The following NTRK3 variants were observed in gnomAD, a reference collection of about 807,000 sequenced individuals.
The protein encoded by NTRK3 is neurotrophic receptor tyrosine kinase 3.
NTRK3 carries 24 observed loss-of-function variants against 91.7 expected under a neutral mutation model. The observed-to-expected ratio is 0.26, with a 90% CI of 0.19 to 0.37. The LOEUF (loss-of-function observed/expected upper bound fraction) is 0.37, where lower values mean the gene tolerates loss of function less well. NTRK3 is among the 10% of genes least tolerant of loss of function. The pLI is 1.00. For missense variants in NTRK3, 880 were observed against 1,068.9 expected, an observed-to-expected ratio of 0.82 and a Z score of 2.46; for synonymous variants, 483 against 404.0, an observed-to-expected ratio of 1.20 and a Z score of -2.34.
At chr15:87,933,236 T>C in intron 15 of NTRK3, 52 bp from the exon 16 acceptor site, 1 of 1,579,300 alleles carries the variant, frequency 6.3e-7, no homozygotes, top group Non-Finnish European at 8.7e-7. Flanking sequence ...CAGGGGGCTG[T>C]CTTTTCTACT....
chr15:88,049,458 A>G (rs1268560073), intron 13 of NTRK3, among the ~76,000 whole-genome samples: 1 of 152,220 alleles, frequency 6.6e-6, no homozygotes, highest in Non-Finnish European at 1.5e-5. Flanking sequence ...TAAAGTGTCC[A>G]CTTCAGAATG....
intron 3 of NTRK3, among the ~76,000 whole-genome samples, chr15:88,227,653 TTC>T (rs2050792507): frequency 6.6e-6 from 1 of 152,118 alleles, no homozygotes; most frequent in East Asian, 1.9e-4. Context: ...AATCCACTTC[TTC>T]TGTTTAAGAC....
intron 13 of NTRK3, among the ~76,000 whole-genome samples, chr15:88,042,125 C>T (rs1333178766): frequency 6.6e-6 from 1 of 152,106 alleles, no homozygotes; most frequent in Non-Finnish European, 1.5e-5. Flanking sequence ...ACTGACATGT[C>T]CCTGGTGGGC....
chr15:87,979,387 C>T (rs967216256), intron 14 of NTRK3: 5 of 1,613,910 alleles, frequency 3.1e-6, no homozygotes, highest in Non-Finnish European at 3.4e-6. Context: ...CATTGACATC[C>T]TCAACATAGA....
intron 3 of NTRK3, among the ~76,000 whole-genome samples, chr15:88,211,384 A>G (rs935064345): frequency 6.6e-6 from 1 of 152,266 alleles, no homozygotes; most frequent in African/African-American, 2.4e-5. Context: ...TTATAGAGAT[A>G]GACCACATGT....
intron 3 of NTRK3, among the ~76,000 whole-genome samples, chr15:88,192,710 G>A (rs990714710): frequency 6.6e-6 from 1 of 152,122 alleles, no homozygotes; most frequent in Non-Finnish European, 1.5e-5. Flanking sequence ...GTGGGCTCCA[G>A]TCACACTGTC....
At chr15:88,074,199 A>G (rs147794025) in intron 13 of NTRK3, among the ~76,000 whole-genome samples, 7 of 152,334 alleles carry the variant, frequency 4.6e-5, no homozygotes, top group African/African-American at 1.7e-4. Flanking sequence ...AGGACTAAGT[A>G]TTATACTCAA....
intron 13 of NTRK3, among the ~76,000 whole-genome samples, chr15:88,118,161 T>G (rs960962500): frequency 1.3e-5 from 2 of 152,220 alleles, no homozygotes; most frequent in Non-Finnish European, 2.9e-5. Context: ...CTCTCTGTTT[T>G]GCTGTCTTTG....
intron 15 of NTRK3, among the ~76,000 whole-genome samples, chr15:87,934,661 C>T (rs1418358403): frequency 6.6e-6 from 1 of 152,156 alleles, no homozygotes; most frequent in Non-Finnish European, 1.5e-5. Flanking sequence ...GAAAAGGGCC[C>T]TAGACATCAT....
At chr15:87,897,090 C>A (rs529180805) in intron 17 of NTRK3, among the ~76,000 whole-genome samples, 1 of 152,090 alleles carries the variant, frequency 6.6e-6, no homozygotes, top group South Asian at 2.1e-4. Flanking sequence ...GAGCCTCTAG[C>A]CCCAGGATTA....
intron 6 of NTRK3, 121 bp downstream of exon 6, chr15:88,147,214 C>G (rs2042966282): frequency 2.2e-6 from 2 of 919,062 alleles, no homozygotes; most frequent in South Asian, 2.8e-5. Context: ...TCAACCAACC[C>G]AAGTAGGCTC....
intron 13 of NTRK3, among the ~76,000 whole-genome samples, chr15:88,077,294 T>C (rs2047633143): frequency 1.3e-5 from 2 of 152,220 alleles, no homozygotes; most frequent in Admixed American, 6.5e-5. Flanking sequence ...CTCAGCAACA[T>C]CTTGACCCCA....
intron 3 of NTRK3, among the ~76,000 whole-genome samples, chr15:88,253,710 G>C (rs949589443): frequency 4.6e-5 from 7 of 152,142 alleles, no homozygotes; most frequent in African/African-American, 1.7e-4. Flanking sequence ...TTTAGAGAAA[G>C]GAGTCCTGAT....
At chr15:87,924,498 C>G (rs569315723) in intron 17 of NTRK3, among the ~76,000 whole-genome samples, 7 of 152,238 alleles carry the variant, frequency 4.6e-5, no homozygotes, top group African/African-American at 1.4e-4. Flanking sequence ...CATACTTACC[C>G]CATCATGTCC....
chr15:87,865,394 G>T (rs970874578), exon 19 of NTRK3: 3 of 213,240 alleles, frequency 1.4e-5, no homozygotes, highest in African/African-American at 6.8e-5. Flanking sequence ...CTGGCCTCAG[G>T]ATTCATTATC....
At chr15:87,894,465 T>C (rs1221700795) in intron 17 of NTRK3, among the ~76,000 whole-genome samples, 1 of 152,190 alleles carries the variant, frequency 6.6e-6, no homozygotes, top group African/African-American at 2.4e-5. Context: ...TGTACAGTCA[T>C]AGATACAGAC....
At chr15:87,867,608 T>C (rs1212997303) in exon 19 of NTRK3, 2 of 229,020 alleles carry the variant, frequency 8.7e-6, no homozygotes, top group African/African-American at 4.4e-5. Flanking sequence ...ATGCCCACAT[T>C]AAGCTAAGGA....
chr15:88,255,874 G>T lies in NTRK3; in HGVS notation c.248+32C>A, dbSNP rs375429955. 174 of 1,586,330 alleles carry T rather than the reference G, an allele frequency of 1.1e-4. No individual in the cohort carries two copies. Among genetic ancestry groups the T allele is most frequent in the Non-Finnish European group, 1.4e-4 (168 of 1,162,160 alleles). On this transcript the variant is annotated intron_variant, in intron 3 of 18. Transcript: ENST00000394480. The surrounding 1 kb of genome is among the most constrained non-coding windows in gnomAD (Gnocchi z 4.3). The stretch of plus-strand genomic sequence containing the variant: ...CAGGAGGGAGACGCAGAGCGCGGGG[G>T]AGGCAGGCTGGGGAGCGGCCGCCTG...
rs548076023 is a variant in NTRK3, at chr15:88,047,217, AG to A, written c.1397-14173del. ...AGTAGCACGTGGCTGCTCATTGAAC[AG>A]GTGTGTAAGGAGAATTACTGGTCTG... On this transcript the variant is annotated intron_variant, in intron 13 of 18. Transcript: ENST00000394480. Among the ~76,000 whole-genome samples, 5 of 152,348 alleles carry A rather than the reference AG, an allele frequency of 3.3e-5. No homozygotes were observed. In the East Asian group the frequency reaches 9.7e-4, roughly 29 times the overall value.
Sources: gnomAD v4.1 joint callset for allele counts (sites outside exome capture counted in the v4.1 genomes callset) on GRCh38, gnomAD v4.1.1 for gene constraint, Gnocchi (gnomAD v3.1) non-coding constraint, MANE v1.5 for transcripts, NCBI Gene and HGNC (gene_info 2026-07-23, HGNC 2026-07-21) for gene names.